The following CDK14 variants were observed in gnomAD, a reference collection of about 807,000 sequenced individuals.
CDK14 encodes the protein cyclin-dependent kinase 14.
Under a neutral mutation model 60.7 loss-of-function variants are expected in CDK14, and 34 were observed. The ratio of observed to expected loss-of-function variants is 0.56; its 90% CI spans 0.43 to 0.75. The LOEUF (loss-of-function observed/expected upper bound fraction) is 0.75, where lower values mean the gene tolerates loss of function less well. Among genes scored for constraint, CDK14 ranks in the 30% least tolerant of loss-of-function variants. CDK14 has a pLI of 0.00. For synonymous variants in CDK14, 197 were observed against 203.7 expected, an observed-to-expected ratio of 0.97 and a Z score of 0.28; for missense variants, 482 against 564.1, an observed-to-expected ratio of 0.85 and a Z score of 1.47.
chr7:91,114,480 T>C (rs751312229), intron 13 of CDK14, among the ~76,000 whole-genome samples: 2 of 152,156 alleles, frequency 1.3e-5, no homozygotes, highest in African/African-American at 4.8e-5. Flanking sequence ...AATATGAGAA[T>C]TTAATTTGTA....
intron 3 of CDK14, among the ~76,000 whole-genome samples, chr7:90,732,323 A>T (rs1021594604): frequency 6.6e-6 from 1 of 151,974 alleles, no homozygotes; most frequent in African/African-American, 2.4e-5. Flanking sequence ...TGTCTCTGCC[A>T]GGCTTTGCTA....
chr7:90,735,415 G>T (rs12671042), intron 3 of CDK14, among the ~76,000 whole-genome samples: 24,872 of 152,220 alleles, frequency 0.16, 2,149 homozygotes, highest in African/African-American at 0.19. Context: ...GCCCACAGCC[G>T]CCCCTTTCCC....
intron 3 of CDK14, among the ~76,000 whole-genome samples, chr7:90,737,132 C>T (rs1164989160): frequency 2.6e-5 from 4 of 152,234 alleles, no homozygotes; most frequent in African/African-American, 9.6e-5. Context: ...ACCTTCCCTC[C>T]CCTATTCCTG....
intron 6 of CDK14, among the ~76,000 whole-genome samples, chr7:90,889,355 G>C (rs928529370): frequency 1.3e-5 from 2 of 152,096 alleles, no homozygotes; most frequent in Non-Finnish European, 2.9e-5. Context: ...TAAGTTTTTT[G>C]TTTTAATGGA....
At chr7:90,612,703 C>T (rs896959890) in intron 2 of CDK14, among the ~76,000 whole-genome samples, 7 of 135,468 alleles carry the variant, frequency 5.2e-5, no homozygotes, top group South Asian at 4.8e-4. Flanking sequence ...ACCCGGGAGG[C>T]GGAGGTTGCA....
intron 4 of CDK14, among the ~76,000 whole-genome samples, chr7:90,759,413 A>G (rs1804225144): frequency 6.6e-6 from 1 of 152,222 alleles, no homozygotes; most frequent in African/African-American, 2.4e-5. Flanking sequence ...AGTTTTGGTT[A>G]AGCAAAAGTG....
chr7:90,928,761 G>A (rs1793499546), intron 8 of CDK14, among the ~76,000 whole-genome samples: 1 of 152,210 alleles, frequency 6.6e-6, no homozygotes. Context: ...GTCAGACAGG[G>A]ACGTTTAAGT....
intron 14 of CDK14, among the ~76,000 whole-genome samples, chr7:91,145,918 C>CTTTCTTTATTTA (rs1554439765): frequency 2.3e-4 from 34 of 147,750 alleles, no homozygotes; most frequent in African/African-American, 8.1e-4. Context: ...ACCTGGCTTG[C>CTTTCTTTATTTA]TTTATTTATT....
intron 14 of CDK14, among the ~76,000 whole-genome samples, chr7:91,142,359 C>A (rs1007964114): frequency 1.4e-4 from 22 of 152,144 alleles, no homozygotes; most frequent in African/African-American, 4.6e-4. Context: ...CCTTCTTGTC[C>A]CCCTGCCACT....
chr7:90,808,941 C>A (rs567601317), intron 5 of CDK14, among the ~76,000 whole-genome samples: 69 of 152,230 alleles, frequency 4.5e-4, no homozygotes, highest in Non-Finnish European at 6.9e-4. Context: ...TATATATGCA[C>A]CCAATACAGA....
intron 5 of CDK14, among the ~76,000 whole-genome samples, chr7:90,839,312 G>A (rs1790213347): frequency 6.6e-6 from 1 of 152,172 alleles, no homozygotes; most frequent in Non-Finnish European, 1.5e-5. Context: ...TTGAGACTAT[G>A]GCTTGGCCTC....
chr7:90,724,350 T>A (rs1016185686), intron 2 of CDK14, among the ~76,000 whole-genome samples: 11 of 151,392 alleles, frequency 7.3e-5, no homozygotes, highest in East Asian at 5.8e-4. Flanking sequence ...GTTCATCATT[T>A]AAAAAAAACT....
chr7:90,944,606 G>A (rs761363379), intron 8 of CDK14, among the ~76,000 whole-genome samples: 2 of 152,108 alleles, frequency 1.3e-5, no homozygotes, highest in Non-Finnish European at 2.9e-5. Context: ...AGTGATGCAC[G>A]CCTGTAGCCC....
chr7:90,772,694 A>G (rs1804837192), intron 4 of CDK14, among the ~76,000 whole-genome samples: 1 of 152,216 alleles, frequency 6.6e-6, no homozygotes, highest in Non-Finnish European at 1.5e-5. Flanking sequence ...TTTCCTGAAC[A>G]GCCTGTGGAA....
At chr7:91,008,299 C>A (rs950182319) in intron 10 of CDK14, among the ~76,000 whole-genome samples, 1 of 151,954 alleles carries the variant, frequency 6.6e-6, no homozygotes, top group African/African-American at 2.4e-5. Flanking sequence ...GGCGGGATAA[C>A]CAGAATAATC....
intron 8 of CDK14, among the ~76,000 whole-genome samples, chr7:90,951,187 G>A (rs1342214180): frequency 2.0e-5 from 3 of 152,124 alleles, no homozygotes; most frequent in Non-Finnish European, 4.4e-5. Context: ...AGCATTTTAT[G>A]TCTGTTTGGA....
At chr7:90,899,444 A>T (rs993709180) in intron 7 of CDK14, 91 bp downstream of exon 7, 6 of 905,910 alleles carry the variant, frequency 6.6e-6, no homozygotes, top group Non-Finnish European at 9.4e-6. Context: ...ACATATTTAA[A>T]TTTTTTAAAT....
At chr7:90,718,656 A>G (rs78842625) in intron 2 of CDK14, among the ~76,000 whole-genome samples, 275 of 152,260 alleles carry the variant, frequency 1.8e-3, no homozygotes, top group African/African-American at 6.4e-3. Flanking sequence ...ATTCTTGCAT[A>G]TATCCTTCTA....
chr7:91,098,631 C>T (rs1360490201), intron 12 of CDK14, among the ~76,000 whole-genome samples: 1 of 151,834 alleles, frequency 6.6e-6, no homozygotes, highest in Non-Finnish European at 1.5e-5. Context: ...TTCCTTTTTA[C>T]ACTTTTCTTA....
Sources: gnomAD v4.1 joint callset for allele counts (sites outside exome capture counted in the v4.1 genomes callset) on GRCh38, gnomAD v4.1.1 for gene constraint, MANE v1.5 for transcripts, NCBI Gene and HGNC (gene_info 2026-07-23, HGNC 2026-07-21) for gene names.